GPR107: variants seen among roughly 807,000 people sequenced by gnomAD.
GPR107 encodes the protein protein GPR107.
In GPR107, 31 loss-of-function variants were observed where a neutral mutation model predicts 75.5. The ratio of observed to expected loss-of-function variants is 0.41; its 90% CI spans 0.31 to 0.55. GPR107 has a LOEUF of 0.55. GPR107 is among the 20% of genes least tolerant of loss of function. The pLI is 0.26. For missense variants in GPR107, 572 were observed against 665.7 expected (o/e 0.86, Z 1.55); for synonymous variants, 267 against 251.3 (o/e 1.06, Z -0.59).
chr9:130,054,148 T>C lies in GPR107; in HGVS notation c.141+75T>C, dbSNP rs116524147. On this transcript the variant is annotated intron_variant, in intron 1 of 17. Transcript: ENST00000347136. ...CGGGTTTTAGGGCAACTTTGGCCCA[T>C]TGGGGACCTCTGAGCCACTGGACCA... The C allele has an allele frequency of 2.1e-3, 2,872 of 1,367,152 alleles. 49 individuals are homozygous for C. The African/African-American group carries it at 0.036, about 17-fold the overall frequency. The allele number at this position is 1,367,152 out of a possible 1,614,324, so 84.7% of individuals were successfully genotyped here.
chr9:130,058,786 A>ATCTT (rs1344071154), intron 1 of GPR107, among the ~76,000 whole-genome samples: 2 of 152,060 alleles, frequency 1.3e-5, no homozygotes, highest in South Asian at 2.1e-4. Flanking sequence ...TTTTGTGCCC[A>ATCTT]TCTTTCTTTC....
At chr9:130,097,162 T>TC (rs1267344741) in intron 9 of GPR107, among the ~76,000 whole-genome samples, 1 of 146,788 alleles carries the variant, frequency 6.8e-6, no homozygotes, top group Non-Finnish European at 1.5e-5. Context: ...TTTCTTTTTT[T>TC]TTTTTTTTTT....
At chr9:130,107,440 A>G (rs899215101) in intron 13 of GPR107, 56 bp from the exon 14 acceptor site, 2 of 974,336 alleles carry the variant, frequency 2.1e-6, no homozygotes, top group Non-Finnish European at 3.4e-6. Flanking sequence ...AGCTGGAAAT[A>G]GAGAGGAGTG....
chr9:130,124,764 A>G (rs1473339272), intron 14 of GPR107, 151 bp from the exon 15 acceptor site: 7 of 597,790 alleles, frequency 1.2e-5, no homozygotes, highest in Non-Finnish European at 2.0e-5. Flanking sequence ...GAGACCGCCC[A>G]GCGGACTTGA....
chr9:130,101,856 T>C (rs1831038545), intron 12 of GPR107, among the ~76,000 whole-genome samples: 1 of 152,182 alleles, frequency 6.6e-6, no homozygotes, highest in Non-Finnish European at 1.5e-5. Context: ...GACAGAGTTG[T>C]CCCTGTGAAC....
chr9:130,131,045 A>G (rs1302169031), intron 17 of GPR107, among the ~76,000 whole-genome samples: 2 of 152,286 alleles, frequency 1.3e-5, no homozygotes, highest in African/African-American at 2.4e-5. Context: ...GATGTCAAGG[A>G]AAGAACGCTT....
chr9:130,092,507 G>A (rs1479157082), intron 9 of GPR107, 126 bp downstream of exon 9: 6 of 767,406 alleles, frequency 7.8e-6, no homozygotes, highest in East Asian at 2.5e-5. Context: ...GCATCTTCCC[G>A]GAAACAGTAT....
chr9:130,133,976 G>A lies in GPR107; in HGVS notation c.1563-1049G>A, dbSNP rs143421629. 1.9e-3 allele frequency among the ~76,000 whole-genome samples: 289 copies of A among 152,294 alleles called. 1 individual carries two copies. The highest frequency in any genetic ancestry group is 5.5e-3 in the African/African-American group (229 of 41,574). On this transcript the variant is annotated intron_variant, in intron 17 of 17. Transcript: ENST00000347136. ...TAGATGGGTCACATATACGGCCACT[G>A]TGTTGCCATTTGTAGGGGAAGGGGT...
chr9:130,099,767 C>T (rs1413736806), intron 10 of GPR107, among the ~76,000 whole-genome samples: 1 of 147,204 alleles, frequency 6.8e-6, no homozygotes, highest in Admixed American at 6.9e-5. Context: ...TACAGTTTTT[C>T]TAGAACACTT....
At chr9:130,069,985 T>C (rs1830160504) in intron 1 of GPR107, among the ~76,000 whole-genome samples, 1 of 7,790 alleles carries the variant, frequency 1.3e-4, no homozygotes, top group South Asian at 5.9e-3. Flanking sequence ...GCCTGGCCTC[T>C]TTTTTTTTTT....
At chr9:130,096,806 T>A (rs1401781151) in intron 9 of GPR107, among the ~76,000 whole-genome samples, 1 of 152,228 alleles carries the variant, frequency 6.6e-6, no homozygotes, top group Non-Finnish European at 1.5e-5. Flanking sequence ...TGTTTACTGG[T>A]GTTGCATTTA....
chr9:130,130,891 A>AC (rs1368903477), intron 17 of GPR107, among the ~76,000 whole-genome samples: 5 of 151,384 alleles, frequency 3.3e-5, no homozygotes, highest in East Asian at 1.9e-4. Context: ...AAAAAAAAAA[A>AC]AACGCATGAA....
At position 130,080,471 on chromosome 9, in the gene GPR107, GTTTATTTATTTA is replaced by G. The variant is rs59817565; in HGVS notation, c.526+726_526+737del. Among the ~76,000 whole-genome samples, 33 of 146,690 alleles carry G rather than the reference GTTTATTTATTTA, an allele frequency of 2.2e-4. No individual in the cohort carries two copies. The South Asian group carries it at 4.1e-3, about 18-fold the overall frequency. ...AATGAAAGGCAAAAAAGGTATTCCT[GTTTATTTATTTA>G]TTTATTTATTTATTTATTTATTTTT... On this transcript the variant is annotated intron_variant, in intron 5 of 17. Transcript: ENST00000347136.
intron 1 of GPR107, among the ~76,000 whole-genome samples, chr9:130,056,689 G>A (rs1217323055): frequency 6.6e-6 from 1 of 151,914 alleles, no homozygotes; most frequent in Non-Finnish European, 1.5e-5. Flanking sequence ...ACTTTGGGAG[G>A]CCGAGATGGG....
At chr9:130,070,126 A>G (rs1397803296) in intron 1 of GPR107, among the ~76,000 whole-genome samples, 2 of 145,908 alleles carry the variant, frequency 1.4e-5, no homozygotes, top group Non-Finnish European at 3.0e-5. Context: ...CCTCTTGAGT[A>G]GCTGGGACCA....
chr9:130,088,102 T>G (rs915353447), intron 7 of GPR107, among the ~76,000 whole-genome samples: 19 of 152,178 alleles, frequency 1.2e-4, no homozygotes, highest in African/African-American at 4.6e-4. Flanking sequence ...GGGTGCTCAT[T>G]TGCTCAGAAC....
chr9:130,081,530 G>A (rs533673700), intron 5 of GPR107, among the ~76,000 whole-genome samples: 1 of 151,814 alleles, frequency 6.6e-6, no homozygotes, highest in African/African-American at 2.4e-5. Context: ...AAAATTAGCC[G>A]GGCATGGTGG....
chr9:130,083,807 A>G (rs1194603467), intron 6 of GPR107, among the ~76,000 whole-genome samples: 2 of 152,096 alleles, frequency 1.3e-5, no homozygotes, highest in Non-Finnish European at 2.9e-5. Flanking sequence ...CATGTCTCTT[A>G]TATAAAATGG....
intron 8 of GPR107, among the ~76,000 whole-genome samples, chr9:130,091,605 C>T (rs969315913): frequency 2.0e-5 from 3 of 151,082 alleles, no homozygotes; most frequent in South Asian, 2.1e-4. Flanking sequence ...CTTGCCTCAC[C>T]GCAACCTCCA....
Sources: gnomAD v4.1 joint callset for allele counts (sites outside exome capture counted in the v4.1 genomes callset) on GRCh38, gnomAD v4.1.1 for gene constraint, MANE v1.5 for transcripts, NCBI Gene and HGNC (gene_info 2026-07-23, HGNC 2026-07-21) for gene names.